TAFA2: variants seen among roughly 807,000 people sequenced by gnomAD.
The protein encoded by TAFA2 is TAFA chemokine like family member 2.
Under a neutral mutation model 18.8 loss-of-function variants are expected in TAFA2, and 7 were observed. The ratio of observed to expected loss-of-function variants is 0.37; its 90% CI spans 0.21 to 0.70. The LOEUF is 0.70. TAFA2 is among the 30% of genes least tolerant of loss of function. The pLI is 0.53. For synonymous variants in TAFA2, 60 were observed against 54.2 expected, an observed-to-expected ratio of 1.11 and a Z score of -0.47; for missense variants, 122 against 158.1, an observed-to-expected ratio of 0.77 and a Z score of 1.23.
At chr12:62,029,292 T>A (rs1592559485) in intron 1 of TAFA2, among the ~76,000 whole-genome samples, 1 of 152,310 alleles carries the variant, frequency 6.6e-6, no homozygotes, top group South Asian at 2.1e-4. Flanking sequence ...GTGAAACACC[T>A]AGCATGTGTC....
intron 1 of TAFA2, among the ~76,000 whole-genome samples, chr12:62,213,793 T>C (rs981197671): frequency 2.6e-5 from 4 of 152,342 alleles, no homozygotes; most frequent in African/African-American, 4.8e-5. Flanking sequence ...TCAATTATTC[T>C]TCTTTACTCC....
chr12:62,175,910 C>T (rs1177319533), intron 1 of TAFA2, among the ~76,000 whole-genome samples: 2 of 147,056 alleles, frequency 1.4e-5, no homozygotes, highest in South Asian at 2.1e-4. Context: ...TTGCCTGATA[C>T]CTCTCATCTA....
At chr12:61,810,178 A>C (rs1871806709) in intron 2 of TAFA2, among the ~76,000 whole-genome samples, 1 of 151,510 alleles carries the variant, frequency 6.6e-6, no homozygotes, top group African/African-American at 2.5e-5. Flanking sequence ...ATTTTTCTTC[A>C]AAATAAACCA....
At chr12:61,737,312 G>T (rs1592355214) in intron 4 of TAFA2, among the ~76,000 whole-genome samples, 2 of 151,902 alleles carry the variant, frequency 1.3e-5, no homozygotes, top group African/African-American at 4.8e-5. Context: ...ATTGAAACAT[G>T]AAAATTGCAT....
chr12:61,738,471 A>G (rs1868346339), intron 4 of TAFA2, among the ~76,000 whole-genome samples: 1 of 152,080 alleles, frequency 6.6e-6, no homozygotes, highest in Non-Finnish European at 1.5e-5. Context: ...ATAAATGTCA[A>G]TAATTGTGAT....
chr12:61,851,034 T>C (rs1052005152), intron 2 of TAFA2, among the ~76,000 whole-genome samples: 2 of 152,210 alleles, frequency 1.3e-5, no homozygotes, highest in Non-Finnish European at 2.9e-5. Context: ...GAAAAGACCA[T>C]ATCATAATTA....
intron 1 of TAFA2, chr12:62,235,250 G>C (rs2062831611): frequency 3.1e-6 from 2 of 654,178 alleles, no homozygotes; most frequent in Non-Finnish European, 5.7e-6. Flanking sequence ...GTGGCATACT[G>C]AACTGTGGCC....
chr12:61,740,144 T>A (rs1565616090), intron 4 of TAFA2, among the ~76,000 whole-genome samples: 1 of 152,134 alleles, frequency 6.6e-6, no homozygotes, highest in Non-Finnish European at 1.5e-5. Flanking sequence ...CTCACCAGTT[T>A]TCTTTTAACA....
intron 1 of TAFA2, among the ~76,000 whole-genome samples, chr12:62,004,892 T>C (rs1187524988): frequency 6.6e-6 from 1 of 152,040 alleles, no homozygotes; most frequent in African/African-American, 2.4e-5. Context: ...TGGATGAACC[T>C]AGAGAACATC....
At position 61,914,353 on chromosome 12, in the gene TAFA2, A is replaced by T. The variant is rs1592482439; in HGVS notation, c.-1-46927T>A. Among the ~76,000 whole-genome samples, 3 of 152,326 alleles carry T rather than the reference A, an allele frequency of 2.0e-5. No individual in the cohort carries two copies. The East Asian group carries it at 5.8e-4, about 29-fold the overall frequency. On this transcript the variant is annotated intron_variant, in intron 1 of 4. Transcript: ENST00000416284. ...ACACCAGAAAAAGGAAGAGACCCAA[A>T]ATATGGGTTGCACCTTCACCACACT...
At chr12:62,125,211 A>G (rs1870401267) in intron 1 of TAFA2, among the ~76,000 whole-genome samples, 1 of 152,068 alleles carries the variant, frequency 6.6e-6, no homozygotes, top group South Asian at 2.1e-4. Flanking sequence ...CAGGAATATG[A>G]TTGATAGGAA....
intron 2 of TAFA2, among the ~76,000 whole-genome samples, chr12:61,861,530 T>C (rs1292555646): frequency 1.3e-5 from 2 of 152,146 alleles, no homozygotes; most frequent in Non-Finnish European, 2.9e-5. Context: ...GCTGGGATTA[T>C]AGGAGTAAGC....
At chr12:62,257,166 G>GTGTATATGTATATATACACAA (rs1565789883) in intron 1 of TAFA2, among the ~76,000 whole-genome samples, 2 of 118,624 alleles carry the variant, frequency 1.7e-5, no homozygotes, top group Non-Finnish European at 3.8e-5. Context: ...ATATATATGT[G>GTGTATATGTATATATACACAA]TGTGTGTGTG....
chr12:62,195,864 A>G (rs2136964965), upstream of TAFA2, among the ~76,000 whole-genome samples: 1 of 152,350 alleles, frequency 6.6e-6, no homozygotes, highest in South Asian at 2.1e-4. Flanking sequence ...CTAACAAGAG[A>G]GTCATCCTGT....
Position 62,152,266 on chromosome 12 carries a change from G to T in TAFA2, c.-2+38993C>A, listed in dbSNP as rs187453697. 9.4e-4 allele frequency among the ~76,000 whole-genome samples: 143 copies of T among 152,270 alleles called. 1 individual carries two copies. The highest frequency in any genetic ancestry group is 2.4e-3 in the Admixed American group (37 of 15,290). ...CAGAGAAAAAATTTAAAATGAATAT[G>T]ATTTTCTGCAAACTACTGGAAGAAA... is the stretch of plus-strand genomic sequence containing the variant. On this transcript the variant is annotated intron_variant, in intron 1 of 4. Transcript: ENST00000416284.
At chr12:62,069,054 A>G (rs1882561968) in intron 1 of TAFA2, among the ~76,000 whole-genome samples, 1 of 152,158 alleles carries the variant, frequency 6.6e-6, no homozygotes, top group Non-Finnish European at 1.5e-5. Context: ...GAAAACCTCA[A>G]TCACAAAAGC....
chr12:62,042,892 C>T (rs775632529), intron 1 of TAFA2, among the ~76,000 whole-genome samples: 7 of 152,060 alleles, frequency 4.6e-5, no homozygotes, highest in South Asian at 2.1e-4. Context: ...AATGCAAGAC[C>T]GTCAGCACCC....
chr12:61,848,848 CT>C (rs552662679), intron 2 of TAFA2, among the ~76,000 whole-genome samples: 3,204 of 140,530 alleles, frequency 0.023, 84 homozygotes, highest in African/African-American at 0.068. Context: ...ATGGTAGGTA[CT>C]TTTTTTTTTT....
At chr12:61,901,776 G>A (rs2121319032) in intron 1 of TAFA2, among the ~76,000 whole-genome samples, 1 of 152,202 alleles carries the variant, frequency 6.6e-6, no homozygotes, top group South Asian at 2.1e-4. Context: ...ACAACATCGG[G>A]AGGCAATTTT....
Sources: gnomAD v4.1 joint callset for allele counts (sites outside exome capture counted in the v4.1 genomes callset) on GRCh38, gnomAD v4.1.1 for gene constraint, MANE v1.5 for transcripts, NCBI Gene and HGNC (gene_info 2026-07-23, HGNC 2026-07-21) for gene names.